Variants in FRMD4A observed in about 807,000 individuals in gnomAD.
FRMD4A encodes FERM domain containing 4A.
In FRMD4A, 29 loss-of-function variants were observed where a neutral mutation model predicts 129.1. The observed-to-expected ratio is 0.22, with a 90% CI of 0.17 to 0.31. The LOEUF (loss-of-function observed/expected upper bound fraction) is 0.31, where lower values mean the gene tolerates loss of function less well. Ranked by LOEUF, FRMD4A falls within the 10% of genes least tolerant of loss-of-function variation. The pLI is 1.00. For synonymous variants in FRMD4A, 634 were observed against 571.6 expected, an observed-to-expected ratio of 1.11 and a Z score of -1.56; for missense variants, 1,272 against 1,375.8, an observed-to-expected ratio of 0.92 and a Z score of 1.19.
At chr10:13,940,908 G>T (rs2095286701) in intron 2 of FRMD4A, among the ~76,000 whole-genome samples, 1 of 152,130 alleles carries the variant, frequency 6.6e-6, no homozygotes, top group South Asian at 2.1e-4. Context: ...TCACACAGCT[G>T]GTCAGTGGCC....
chr10:13,777,791 A>T (rs1455110603), intron 6 of FRMD4A, among the ~76,000 whole-genome samples: 1 of 85,986 alleles, frequency 1.2e-5, no homozygotes, highest in African/African-American at 4.4e-5. Flanking sequence ...CTTTGGGTCA[A>T]TTTTTTTTTT....
chr10:13,840,445 A>G (rs2130971771), intron 3 of FRMD4A, among the ~76,000 whole-genome samples: 1 of 152,270 alleles, frequency 6.6e-6, no homozygotes, highest in Non-Finnish European at 1.5e-5. Context: ...CACCCAGTCT[A>G]TGGGATTTTG....
intron 2 of FRMD4A, among the ~76,000 whole-genome samples, chr10:14,140,253 G>A (rs1770868526): frequency 6.6e-6 from 1 of 152,050 alleles, no homozygotes; most frequent in Non-Finnish European, 1.5e-5. Flanking sequence ...AGCAGAGATG[G>A]GGTTTCACCA....
intron 2 of FRMD4A, among the ~76,000 whole-genome samples, chr10:14,295,406 G>A (rs1197293013): frequency 6.6e-6 from 1 of 152,180 alleles, no homozygotes; most frequent in Admixed American, 6.5e-5. Context: ...TTTTGTTTCT[G>A]TTTTGCTGGT....
intron 15 of FRMD4A, among the ~76,000 whole-genome samples, chr10:13,681,687 G>A (rs2084608005): frequency 6.6e-6 from 1 of 152,088 alleles, no homozygotes; most frequent in South Asian, 2.1e-4. Context: ...TAAAGCCAAA[G>A]CTCACACCAG....
At chr10:13,881,292 G>T (rs2131122991) in intron 2 of FRMD4A, among the ~76,000 whole-genome samples, 1 of 150,928 alleles carries the variant, frequency 6.6e-6, no homozygotes, top group Non-Finnish European at 1.5e-5. Flanking sequence ...GCATGGTGGT[G>T]CATGCCTGTA....
At chr10:13,847,901 C>A (rs2094076819) in intron 3 of FRMD4A, among the ~76,000 whole-genome samples, 1 of 152,180 alleles carries the variant, frequency 6.6e-6, no homozygotes, top group Admixed American at 6.5e-5. Flanking sequence ...AAGCAATGTG[C>A]CCAAAATCAA....
chr10:13,939,941 G>A (rs1287838098), intron 2 of FRMD4A, among the ~76,000 whole-genome samples: 1 of 152,168 alleles, frequency 6.6e-6, no homozygotes, highest in African/African-American at 2.4e-5. Flanking sequence ...GGTGTATTAA[G>A]GTATTTGTTT....
intron 15 of FRMD4A, among the ~76,000 whole-genome samples, chr10:13,683,000 G>A (rs985097904): frequency 2.0e-5 from 3 of 152,124 alleles, no homozygotes; most frequent in African/African-American, 4.8e-5. Flanking sequence ...GGCTCTTTGC[G>A]TGATAGTGCA....
At chr10:13,724,320 G>A (rs1446085176) in intron 12 of FRMD4A, among the ~76,000 whole-genome samples, 7 of 152,110 alleles carry the variant, frequency 4.6e-5, no homozygotes, top group Admixed American at 2.0e-4. Context: ...CCCGGGAGGC[G>A]GACGTTGCAG....
At chr10:14,314,172 A>G (rs567559201) in intron 2 of FRMD4A, among the ~76,000 whole-genome samples, 180 of 152,334 alleles carry the variant, frequency 1.2e-3, no homozygotes, top group African/African-American at 4.1e-3. Context: ...GACACTAAAG[A>G]GCAGACACTG....
chr10:14,059,133 G>A (rs1225408322), intron 2 of FRMD4A, among the ~76,000 whole-genome samples: 1 of 152,148 alleles, frequency 6.6e-6, no homozygotes, highest in Admixed American at 6.6e-5. Context: ...TGCCAACCTG[G>A]TCCAAACTGA....
chr10:13,941,282 G>A (rs1431647905), intron 2 of FRMD4A, among the ~76,000 whole-genome samples: 1 of 152,032 alleles, frequency 6.6e-6, no homozygotes, highest in Non-Finnish European at 1.5e-5. Context: ...CCTTTTGCTT[G>A]GCTCCCATTC....
rs2082267696 is a variant in FRMD4A, at chr10:13,657,523, C to G, written c.2067-1G>C. ...TCGGGTGGGGCTGATGTCCACCGACCTGCCGGGAGACGACCCGGGTTGGTC... is the reference window on the plus strand; with the variant it reads ...TCGGGTGGGGCTGATGTCCACCGACGTGCCGGGAGACGACCCGGGTTGGTC... On this transcript the variant is annotated splice_acceptor_variant, in intron 21 of 24. Coordinates refer to ENST00000357447, the MANE Select transcript of FRMD4A (RefSeq NM_018027.5). LOFTEE classifies it high-confidence loss of function. 1 of 1,571,646 alleles carries G rather than the reference C, an allele frequency of 6.4e-7. No individual in the cohort carries two copies. Among genetic ancestry groups the G allele is most frequent in the African/African-American group, 1.4e-5 (1 of 73,944 alleles).
At chr10:14,136,941 C>T (rs1043927140) in intron 2 of FRMD4A, among the ~76,000 whole-genome samples, 2 of 152,212 alleles carry the variant, frequency 1.3e-5, no homozygotes, top group Admixed American at 1.3e-4. Context: ...TGGTATACCT[C>T]CTGTGGATAC....
At chr10:13,700,427 C>T (rs1211188828) in intron 14 of FRMD4A, among the ~76,000 whole-genome samples, 1 of 152,212 alleles carries the variant, frequency 6.6e-6, no homozygotes, top group East Asian at 1.9e-4. Context: ...GCCACCTTCT[C>T]CCAAGAACTC....
chr10:14,186,950 G>A (rs1319069814), intron 2 of FRMD4A, among the ~76,000 whole-genome samples: 1 of 137,202 alleles, frequency 7.3e-6, no homozygotes, highest in African/African-American at 2.8e-5. Flanking sequence ...CTGAGACCTC[G>A]TCTCTGCAAA....
At chr10:13,684,585 C>A (rs1209868603) in intron 15 of FRMD4A, 1 of 985,396 alleles carries the variant, frequency 1.0e-6, no homozygotes, top group Non-Finnish European at 1.2e-6. Context: ...CATTCAGCCG[C>A]GAGCCAGAAA....
chr10:14,175,854 G>T (rs148608981), intron 2 of FRMD4A, among the ~76,000 whole-genome samples: 2 of 152,190 alleles, frequency 1.3e-5, no homozygotes, highest in African/African-American at 4.8e-5. Flanking sequence ...CTTTCTCTGC[G>T]TCACCTTAGT....
Sources: allele counts gnomAD v4.1 joint callset (sites outside exome capture counted in the v4.1 genomes callset), GRCh38; gene constraint gnomAD v4.1.1; transcripts MANE v1.5; gene names NCBI Gene and HGNC (gene_info 2026-07-23, HGNC 2026-07-21).